IFT57: variants seen among roughly 807,000 people sequenced by gnomAD.
IFT57 encodes the protein intraflagellar transport 57.
Under a neutral mutation model 56.8 loss-of-function variants are expected in IFT57, and 59 were observed. The ratio of observed to expected loss-of-function variants is 1.04; its 90% CI spans 0.84 to 1.29. IFT57 has a LOEUF of 1.29. Ranked by LOEUF, IFT57 falls within the 50% of genes most tolerant of loss-of-function variation. IFT57 has a pLI of 0.00. For synonymous variants in IFT57, 209 were observed against 186.1 expected (o/e 1.12, Z -1.00); for missense variants, 470 against 522.1 (o/e 0.90, Z 0.97).
At chr3:108,200,776 C>T (rs2080274394) in intron 5 of IFT57, among the ~76,000 whole-genome samples, 1 of 152,122 alleles carries the variant, frequency 6.6e-6, no homozygotes, top group Admixed American at 6.5e-5. Context: ...CATGACATCA[C>T]CAGGGCTTCC....
chr3:108,202,197 G>A (rs192651373), intron 5 of IFT57, among the ~76,000 whole-genome samples: 139 of 152,292 alleles, frequency 9.1e-4, no homozygotes, highest in African/African-American at 3.2e-3. Context: ...GGAGGAGAAT[G>A]ACACATCTGC....
intron 10 of IFT57, 129 bp from the exon 11 acceptor site, chr3:108,162,784 T>G (rs531338568): frequency 1.3e-5 from 9 of 668,724 alleles, no homozygotes; most frequent in African/African-American, 1.3e-4. Context: ...AAAAACTTAC[T>G]GACATTCACA....
intron 6 of IFT57, 59 bp from the exon 7 acceptor site, chr3:108,167,923 A>AC (rs2080071493): frequency 7.6e-7 from 1 of 1,316,656 alleles, no homozygotes; most frequent in Non-Finnish European, 1.0e-6. Flanking sequence ...ATCTTTCCCT[A>AC]CTTCTTGTGA....
intron 6 of IFT57, among the ~76,000 whole-genome samples, chr3:108,190,214 G>T (rs1039376514): frequency 2.6e-5 from 4 of 152,208 alleles, no homozygotes; most frequent in Non-Finnish European, 5.9e-5. Flanking sequence ...TGGGGTTAAT[G>T]CTGGAATGAG....
In IFT57 at chr3:108,163,527, T is replaced by G. The variant is rs933217211; in HGVS notation, c.1111+136A>C. The G allele has an allele frequency of 3.4e-5, 21 of 624,640 alleles. No homozygotes were observed. The African/African-American group carries it at 3.6e-4, about 11-fold the overall frequency. The allele number at this position is 624,640 out of a possible 1,614,324, so 38.7% of individuals were successfully genotyped here. ...AAACAGTACGCTGATTATCAGACATTTTTGTACAATGAATCTCTCTTCAAA... is the reference window on the plus strand; with the variant it reads ...AAACAGTACGCTGATTATCAGACATGTTTGTACAATGAATCTCTCTTCAAA... On this transcript the variant is annotated intron_variant, in intron 10 of 10. Coordinates refer to ENST00000264538, the MANE Select transcript of IFT57 (RefSeq NM_018010.4).
chr3:108,206,047 T>C (rs1576046786), intron 5 of IFT57, among the ~76,000 whole-genome samples: 2 of 104,940 alleles, frequency 1.9e-5, no homozygotes, highest in African/African-American at 6.9e-5. Flanking sequence ...ATAATATATA[T>C]TATATATTAT....
intron 6 of IFT57, among the ~76,000 whole-genome samples, chr3:108,190,793 C>T (rs907674064): frequency 2.6e-5 from 4 of 152,102 alleles, no homozygotes; most frequent in African/African-American, 7.2e-5. Flanking sequence ...ATTTTCTTAA[C>T]ATTTATTTAT....
intron 4 of IFT57, among the ~76,000 whole-genome samples, chr3:108,208,716 T>C (rs1417517858): frequency 6.6e-6 from 1 of 152,158 alleles, no homozygotes; most frequent in Non-Finnish European, 1.5e-5. Flanking sequence ...GATACAACAA[T>C]GATTTGATTG....
At chr3:108,181,310 T>C (rs1000978580) in intron 6 of IFT57, among the ~76,000 whole-genome samples, 1 of 152,082 alleles carries the variant, frequency 6.6e-6, no homozygotes, top group Non-Finnish European at 1.5e-5. Context: ...TTTACATGTA[T>C]AATTTTAAGC....
intron 6 of IFT57, among the ~76,000 whole-genome samples, chr3:108,189,608 T>G (rs1052569108): frequency 1.3e-5 from 2 of 152,112 alleles, no homozygotes; most frequent in African/African-American, 4.8e-5. Context: ...TATCTAGATG[T>G]CTCTTTAGCC....
intron 6 of IFT57, among the ~76,000 whole-genome samples, chr3:108,170,629 C>T (rs1046783093): frequency 3.0e-4 from 46 of 151,442 alleles, no homozygotes; most frequent in African/African-American, 1.1e-3. Context: ...TGACTTTCTA[C>T]CCAGATTAGA....
chr3:108,169,401 A>G (rs34992087), intron 6 of IFT57, among the ~76,000 whole-genome samples: 13,920 of 151,260 alleles, frequency 0.092, 703 homozygotes, highest in Middle Eastern at 0.12. Context: ...TGTCAGATGG[A>G]TAGATTGCAA....
chr3:108,169,771 T>C (rs1177486642), intron 6 of IFT57, among the ~76,000 whole-genome samples: 1 of 151,976 alleles, frequency 6.6e-6, no homozygotes, highest in Non-Finnish European at 1.5e-5. Context: ...GCAAACCAAA[T>C]CCAGCAGCAC....
chr3:108,210,687 C>T (rs1246535713), intron 4 of IFT57, among the ~76,000 whole-genome samples: 1 of 151,976 alleles, frequency 6.6e-6, no homozygotes, highest in Non-Finnish European at 1.5e-5. Context: ...ATCATGTTAT[C>T]CCACCATCAA....
At chr3:108,216,744 G>A (rs2080375181) in intron 3 of IFT57, among the ~76,000 whole-genome samples, 1 of 152,150 alleles carries the variant, frequency 6.6e-6, no homozygotes. Context: ...ATCAAAGGTT[G>A]AATAGAAAAT....
chr3:108,190,375 A>G (rs2080208580), intron 6 of IFT57, among the ~76,000 whole-genome samples: 1 of 152,194 alleles, frequency 6.6e-6, no homozygotes, highest in Non-Finnish European at 1.5e-5. Flanking sequence ...GTGTTAAGGG[A>G]GGAACCTGGT....
chr3:108,191,539 C>A lies in IFT57; in HGVS notation c.759G>T (p.Thr253=). 1 of 1,602,542 alleles carries A rather than the reference C, an allele frequency of 6.2e-7. No individual in the cohort carries two copies. Among genetic ancestry groups the A allele is most frequent in the South Asian group, 1.1e-5 (1 of 89,044 alleles). The change falls in exon 6 of 11, where the codon ACG becomes ACT. Residue 253 remains threonine, a synonymous_variant. Coordinates refer to ENST00000264538, the MANE Select transcript of IFT57 (RefSeq NM_018010.4). ...TTGATACCTTATTGTCAGTCCTAAT[C>A]GTGACTTTCAGTTGCGGTAGTACAC... ...VERVLPQLKV[T]IRTDNKDWRI... is the part of the protein sequence containing the mutation.
intron 6 of IFT57, among the ~76,000 whole-genome samples, chr3:108,175,615 A>C (rs1325202113): frequency 1.3e-5 from 2 of 151,848 alleles, no homozygotes; most frequent in Non-Finnish European, 2.9e-5. Context: ...AACACTTGAA[A>C]GATTTCCTTT....
intron 6 of IFT57, among the ~76,000 whole-genome samples, chr3:108,177,641 T>A (rs1192117873): frequency 2.0e-5 from 3 of 150,786 alleles, no homozygotes; most frequent in African/African-American, 7.3e-5. Flanking sequence ...GAAAAAAAAA[T>A]TTGAAAAAAA....
Sources: gnomAD v4.1 joint callset for allele counts (sites outside exome capture counted in the v4.1 genomes callset) on GRCh38, gnomAD v4.1.1 for gene constraint, MANE v1.5 for transcripts, NCBI Gene and HGNC (gene_info 2026-07-23, HGNC 2026-07-21) for gene names.